GATAD2B: variants seen among roughly 807,000 people sequenced by gnomAD.
The protein encoded by GATAD2B is transcriptional repressor p66-beta.
Under a neutral mutation model 64.3 loss-of-function variants are expected in GATAD2B, and 8 were observed. The ratio of observed to expected loss-of-function variants is 0.12; its 90% CI spans 0.07 to 0.22. The LOEUF is 0.22. Ranked by LOEUF, GATAD2B falls within the 10% of genes least tolerant of loss-of-function variation. The pLI is 1.00. For synonymous variants in GATAD2B, 281 were observed against 271.3 expected, an observed-to-expected ratio of 1.04 and a Z score of -0.35; for missense variants, 453 against 752.0, an observed-to-expected ratio of 0.60 and a Z score of 4.65.
intron 1 of GATAD2B, among the ~76,000 whole-genome samples, chr1:153,832,089 C>G (rs961382087): frequency 6.6e-6 from 1 of 152,130 alleles, no homozygotes. Context: ...GTGGCACATG[C>G]CTGTAATCCC....
intron 1 of GATAD2B, among the ~76,000 whole-genome samples, chr1:153,851,391 AT>A (rs1675892608): frequency 6.6e-6 from 1 of 152,074 alleles, no homozygotes; most frequent in African/African-American, 2.4e-5. Context: ...CGCTTGTACC[AT>A]TTTGCATTCC....
intron 1 of GATAD2B, among the ~76,000 whole-genome samples, chr1:153,869,897 C>T (rs559534983): frequency 6.6e-6 from 1 of 152,176 alleles, no homozygotes; most frequent in South Asian, 2.1e-4. Flanking sequence ...GAGGCTGAGG[C>T]GGCAGATGCC....
intron 1 of GATAD2B, among the ~76,000 whole-genome samples, chr1:153,831,472 C>T (rs1466021856): frequency 3.3e-5 from 5 of 152,054 alleles, no homozygotes; most frequent in African/African-American, 1.2e-4. Flanking sequence ...CCTTCAGGTT[C>T]TGTGCATGTA....
At chr1:153,852,823 T>A in intron 1 of GATAD2B, 1 of 880,740 alleles carries the variant, frequency 1.1e-6, no homozygotes. Flanking sequence ...TTTTTTTGCT[T>A]CTTTTTCTAG....
At chr1:153,909,262 G>A (rs1200922282) in intron 1 of GATAD2B, among the ~76,000 whole-genome samples, 2 of 151,566 alleles carry the variant, frequency 1.3e-5, no homozygotes, top group African/African-American at 4.8e-5. Context: ...CGCCCAGGCT[G>A]GAGTACAGTG....
At chr1:153,922,453 G>T (rs1249912095) in intron 1 of GATAD2B, among the ~76,000 whole-genome samples, 1 of 149,644 alleles carries the variant, frequency 6.7e-6, no homozygotes, top group African/African-American at 2.5e-5. Context: ...GCGCGAGGCC[G>T]AAGTGAAAGA....
At chr1:153,849,356 C>T (rs1675807531) in intron 1 of GATAD2B, among the ~76,000 whole-genome samples, 2 of 152,202 alleles carry the variant, frequency 1.3e-5, no homozygotes, top group African/African-American at 4.8e-5. Context: ...TTAATCACTT[C>T]TTAAAGGTCC....
intron 1 of GATAD2B, among the ~76,000 whole-genome samples, chr1:153,844,535 ATCT>A (rs957531062): frequency 2.0e-5 from 3 of 152,134 alleles, no homozygotes; most frequent in Non-Finnish European, 4.4e-5. Flanking sequence ...AATTCACAAT[ATCT>A]GGAATTTGAT....
At chr1:153,895,898 G>A (rs564799513) in intron 1 of GATAD2B, among the ~76,000 whole-genome samples, 1 of 151,460 alleles carries the variant, frequency 6.6e-6, no homozygotes, top group East Asian at 2.0e-4. Flanking sequence ...AGTGGCTCAT[G>A]CCTATAATCC....
chr1:153,883,950 A>T (rs1483747163), intron 1 of GATAD2B, among the ~76,000 whole-genome samples: 2 of 152,002 alleles, frequency 1.3e-5, no homozygotes, highest in Non-Finnish European at 2.9e-5. Context: ...GCTAAATCAT[A>T]CTCACCCAAA....
intron 1 of GATAD2B, among the ~76,000 whole-genome samples, chr1:153,848,106 C>G (rs976233149): frequency 5.3e-5 from 8 of 152,202 alleles, no homozygotes; most frequent in Non-Finnish European, 1.0e-4. Context: ...CATCCCCTCA[C>G]CATACCAACT....
intron 1 of GATAD2B, among the ~76,000 whole-genome samples, chr1:153,879,865 C>T (rs759164143): frequency 4.0e-5 from 6 of 150,852 alleles, no homozygotes; most frequent in Non-Finnish European, 8.9e-5. Flanking sequence ...ACAATCACTA[C>T]AACTGAACCC....
Position 153,906,659 on chromosome 1 carries a change from G to A in GATAD2B, c.-2+16074C>T, listed in dbSNP as rs145674663. 1.4e-3 allele frequency among the ~76,000 whole-genome samples: 217 copies of A among 152,106 alleles called. 1 individual carries two copies. Among genetic ancestry groups the A allele is most frequent in the Non-Finnish European group, 2.7e-3 (183 of 67,990 alleles). Reference sequence around the variant, plus strand: ...AGGAAAAAAAAACAACAGATAAACTGGACTTCATCAAAATTAAATTTTTTG... The same window carrying A: ...AGGAAAAAAAAACAACAGATAAACTAGACTTCATCAAAATTAAATTTTTTG... On this transcript the variant is annotated intron_variant, in intron 1 of 10. Coordinates refer to ENST00000368655, the MANE Select transcript of GATAD2B (RefSeq NM_020699.4).
Position 153,816,344 on chromosome 1 carries a change from C to A in GATAD2B, c.1145G>T (p.Ser382Ile), listed in dbSNP as rs1297919720. 6.2e-7 allele frequency: 1 copy of A among 1,613,824 alleles called. No individual in the cohort carries two copies. Reference sequence around the variant, plus strand: ...GTAGATGAACTCGCTATTGGCTGCACTAGGCAAGAAATGAAGTAAGGGAGC... The same window carrying A: ...GTAGATGAACTCGCTATTGGCTGCAATAGGCAAGAAATGAAGTAAGGGAGC... ...PPAPLLHFLP[S>I]AANSEFIYMV... is the part of the protein sequence containing the mutation. Residue 382 changes from serine (S) to isoleucine (I), a missense_variant, in exon 7 of 11, where the codon AGT becomes ATT. Coordinates refer to ENST00000368655, the MANE Select transcript of GATAD2B (RefSeq NM_020699.4). This position sits in a 1 kb window ranked among gnomAD's most constrained non-coding sequence, Gnocchi z 4.9.
intron 1 of GATAD2B, among the ~76,000 whole-genome samples, chr1:153,837,641 G>A (rs960729620): frequency 6.6e-6 from 1 of 151,930 alleles, no homozygotes; most frequent in Non-Finnish European, 1.5e-5. Context: ...ATTACGGAAG[G>A]GTACACGTGA....
At chr1:153,900,709 G>A (rs1571000867) in intron 1 of GATAD2B, among the ~76,000 whole-genome samples, 1 of 152,142 alleles carries the variant, frequency 6.6e-6, no homozygotes, top group Middle Eastern at 3.4e-3. Flanking sequence ...TAGCCAGATA[G>A]TAAATATTTT....
chr1:153,826,032 C>T (rs962409002), intron 2 of GATAD2B, among the ~76,000 whole-genome samples: 1 of 149,292 alleles, frequency 6.7e-6, no homozygotes, highest in Non-Finnish European at 1.5e-5. Flanking sequence ...CAGACGAAGT[C>T]TCGCTCTGTC....
intron 1 of GATAD2B, among the ~76,000 whole-genome samples, chr1:153,868,263 T>C (rs1447104787): frequency 6.6e-6 from 1 of 152,054 alleles, no homozygotes; most frequent in Admixed American, 6.6e-5. Flanking sequence ...CATTTAAAAA[T>C]AAACCCATTC....
intron 1 of GATAD2B, among the ~76,000 whole-genome samples, chr1:153,910,295 G>A (rs1485066073): frequency 6.6e-6 from 1 of 152,106 alleles, no homozygotes; most frequent in Non-Finnish European, 1.5e-5. Flanking sequence ...AACTTACAAT[G>A]GCTCAACTTA....
Sources: allele counts gnomAD v4.1 joint callset (sites outside exome capture counted in the v4.1 genomes callset), GRCh38; gene constraint gnomAD v4.1.1; non-coding constraint Gnocchi (gnomAD v3.1); transcripts MANE v1.5; gene names NCBI Gene and HGNC (gene_info 2026-07-23, HGNC 2026-07-21).